ALMS1: variants seen among roughly 807,000 people sequenced by gnomAD.
ALMS1 encodes the protein ALMS1 centrosome and basal body associated protein.
A neutral mutation model predicts 352.2 loss-of-function variants in ALMS1; 271 were observed. The observed-to-expected ratio is 0.77, with a 90% CI of 0.70 to 0.85. The LOEUF (loss-of-function observed/expected upper bound fraction) is 0.85. ALMS1 is among the 40% of genes least tolerant of loss of function. ALMS1 has a pLI of 0.00. For missense variants in ALMS1, 5,445 were observed against 4,870.7 expected, an observed-to-expected ratio of 1.12 and a Z score of -3.51; for synonymous variants, 1,865 against 1,761.2, an observed-to-expected ratio of 1.06 and a Z score of -1.48.
At chr2:73,496,312 A>T (rs931636377) in intron 10 of ALMS1, among the ~76,000 whole-genome samples, 39 of 152,294 alleles carry the variant, frequency 2.6e-4, no homozygotes, top group African/African-American at 9.4e-4. Flanking sequence ...TTGCCTTTCT[A>T]GAGTGTCACA....
At chr2:73,537,341 G>A (rs1216105938) in intron 12 of ALMS1, among the ~76,000 whole-genome samples, 1 of 152,194 alleles carries the variant, frequency 6.6e-6, no homozygotes, top group African/African-American at 2.4e-5. Flanking sequence ...GTAGGCCTGT[G>A]TATGCTCAGG....
In ALMS1 at chr2:73,601,319, G is replaced by A. The variant is rs756694050; in HGVS notation, c.11997G>A (p.Glu3999=). 1.2e-6 allele frequency: 2 copies of A among 1,614,240 alleles called. No individual in the cohort carries two copies. The highest frequency in any genetic ancestry group is 4.5e-5 in the East Asian group (2 of 44,872). The change falls in exon 19 of 23, where the codon GAG becomes GAA. Residue 3999 remains glutamate (E), a synonymous_variant. Coordinates refer to ENST00000613296, the MANE Select transcript of ALMS1 (RefSeq NM_001378454.1). ...EPITKTRPWR[E]PLREQNCQGQ... ...TAACCAAGACCAGACCCTGGAGGGA[G>A]CCACTGCGGGAGCAGAACTGTCAGG...
At chr2:73,488,298 G>A (rs1672898953) in intron 9 of ALMS1, among the ~76,000 whole-genome samples, 1 of 152,252 alleles carries the variant, frequency 6.6e-6, no homozygotes, top group African/African-American at 2.4e-5. Context: ...GCGGCAGGGG[G>A]CTGGTGTGAC....
At chr2:73,444,985 G>A (rs1228651232) in intron 7 of ALMS1, among the ~76,000 whole-genome samples, 1 of 151,860 alleles carries the variant, frequency 6.6e-6, no homozygotes, top group Middle Eastern at 3.2e-3. Context: ...CAACAATGAA[G>A]ACAAAGACCC....
Position 73,609,788 on chromosome 2 carries a change from G to A in ALMS1, c.*176G>A. Reference sequence around the variant, plus strand: ...GGTGATTAAAATTCCTAATGGTTTGGGAGCAATACTTTCTGCATAGTGGCC... The same window carrying A: ...GGTGATTAAAATTCCTAATGGTTTGAGAGCAATACTTTCTGCATAGTGGCC... On this transcript the variant is annotated 3_prime_UTR_variant, in exon 23 of 23. Coordinates refer to ENST00000613296, the MANE Select transcript of ALMS1 (RefSeq NM_001378454.1). 1.5e-6 allele frequency: 1 copy of A among 657,194 alleles called. No individual in the cohort carries two copies. The highest frequency in any genetic ancestry group is 2.7e-6 in the Non-Finnish European group (1 of 373,546). 40.7% of individuals were successfully genotyped at this position (657,194 alleles called of 1,614,324 possible).
At chr2:73,522,057 G>A (rs970095740) in intron 11 of ALMS1, among the ~76,000 whole-genome samples, 4 of 151,810 alleles carry the variant, frequency 2.6e-5, no homozygotes, top group Non-Finnish European at 5.9e-5. Context: ...TTCCTTTCCC[G>A]GAAGCAGCCA....
At chr2:73,467,129 A>T (rs1231824435) in intron 9 of ALMS1, among the ~76,000 whole-genome samples, 1 of 152,088 alleles carries the variant, frequency 6.6e-6, no homozygotes, top group Non-Finnish European at 1.5e-5. Flanking sequence ...TCATAAAAGA[A>T]AGGATTGCTA....
At position 73,517,638 on chromosome 2, in the gene ALMS1, C is replaced by CT. The variant is rs74558381; in HGVS notation, c.9540-2128dup. On this transcript the variant is annotated intron_variant, in intron 10 of 22. Transcript: ENST00000613296. ...TTCTAGCTTCTCCTGTTGTTAACATCTTTTTTTTTCATTTTATTTTTATTT... is the reference window on the plus strand; with the variant it reads ...TTCTAGCTTCTCCTGTTGTTAACATCTTTTTTTTTTCATTTTATTTTTATTT... Among the ~76,000 whole-genome samples the CT allele has an allele frequency of 4.1e-3, 619 of 150,960 alleles. 21 individuals are homozygous for CT. The East Asian group carries it at 0.085, about 21-fold the overall frequency.
rs1362721466 is a variant in ALMS1 at position 73,490,754 on chromosome 2, A to G, written c.8795A>G (p.Gln2932Arg). ...IFLEQRELFE[Q>R]CKAPYVDHQM... ...CTTGAACAACGAGAACTCTTTGAAC[A>G]GTGCAAAGCCCCATATGTAGATCAT... Residue 2932 changes from glutamine to arginine, a missense_variant, in exon 10 of 23, where the codon CAG (glutamine) becomes CGG (arginine). Transcript: ENST00000613296. 1 of 1,614,060 alleles carries G rather than the reference A, an allele frequency of 6.2e-7. No homozygotes were observed.
rs773869122 is a variant in ALMS1 at position 73,572,763 on chromosome 2, T to C, written c.10886T>C (p.Leu3629Pro). 6.2e-7 allele frequency: 1 copy of C among 1,614,102 alleles called. No individual in the cohort carries two copies. Among genetic ancestry groups the C allele is most frequent in the Non-Finnish European group, 8.5e-7 (1 of 1,180,004 alleles). The change falls in exon 16 of 23, where the codon CTT becomes CCT. Residue 3629 changes from leucine to proline, a missense_variant. Leu to Pro is a moderately conservative substitution (Grantham distance 98). Coordinates refer to ENST00000613296, the MANE Select transcript of ALMS1 (RefSeq NM_001378454.1). ...DRKELSLVDRLDRLAKILQNP... is the reference protein window; with the variant it reads ...DRKELSLVDRPDRLAKILQNP... ...AAAGAACTGTCCTTGGTGGACCGAC[T>C]TGATCGTTTGGCTAAAATTCTTCAG... is the stretch of plus-strand genomic sequence containing the variant.
At chr2:73,442,804 C>G (rs1671743863) in intron 7 of ALMS1, among the ~76,000 whole-genome samples, 1 of 152,162 alleles carries the variant, frequency 6.6e-6, no homozygotes, top group African/African-American at 2.4e-5. Context: ...AATTGTAGGA[C>G]TCTATCTAGA....
At chr2:73,599,246 A>G (rs1675618918) in intron 16 of ALMS1, among the ~76,000 whole-genome samples, 155 bp from the exon 17 acceptor site, 1 of 152,222 alleles carries the variant, frequency 6.6e-6, no homozygotes, top group African/African-American at 2.4e-5. Context: ...TATCACAGAT[A>G]CAAGGCAGCA....
At chr2:73,515,369 G>C (rs544833179) in intron 10 of ALMS1, among the ~76,000 whole-genome samples, 1 of 151,884 alleles carries the variant, frequency 6.6e-6, no homozygotes, top group Admixed American at 6.6e-5. Context: ...GTGCTAACTA[G>C]TAGCTAAATC....
rs535660252 is a variant in ALMS1 at position 73,449,412 on chromosome 2, G to T, written c.2885G>T (p.Ser962Ile). 1.2e-6 allele frequency: 2 copies of T among 1,614,066 alleles called. No individual in the cohort carries two copies. Among genetic ancestry groups the T allele is most frequent in the South Asian group, 2.2e-5 (2 of 91,084 alleles). ...SNSHSHSEKS[S>I]VFYQQELPDS... ...TCTCACTCACATAGCGAGAAATCTA[G>T]TGTTTTCTACCAGCAAGAGTTGCCA... The change falls in exon 8 of 23, where the codon AGT (serine) becomes ATT (isoleucine). Residue 962 changes from serine to isoleucine, a missense_variant. By Grantham distance (142) the Ser-to-Ile change is moderately radical. Transcript: ENST00000613296.
At chr2:73,482,439 T>C (rs1453516550) in intron 9 of ALMS1, among the ~76,000 whole-genome samples, 2 of 146,100 alleles carry the variant, frequency 1.4e-5, no homozygotes, top group East Asian at 3.8e-4. Context: ...CACTTGATCA[T>C]GGTGGATAAG....
chr2:73,454,627 A>AAATCTCATT, intron 8 of ALMS1, among the ~76,000 whole-genome samples: 1 of 152,308 alleles, frequency 6.6e-6, no homozygotes, highest in Non-Finnish European at 1.5e-5. Context: ...GAATATTTAC[A>AAATCTCATT]AATCTCATTA....
intron 9 of ALMS1, among the ~76,000 whole-genome samples, chr2:73,485,357 G>T (rs909093440): frequency 6.6e-6 from 1 of 152,218 alleles, no homozygotes; most frequent in Non-Finnish European, 1.5e-5. Flanking sequence ...GTGTGCCCCT[G>T]CTGGGAGGTG....
At chr2:73,463,718 A>G (rs1182426381) in intron 9 of ALMS1, among the ~76,000 whole-genome samples, 30 of 137,416 alleles carry the variant, frequency 2.2e-4, no homozygotes, top group Admixed American at 3.9e-4. Flanking sequence ...TAAAGAAAAA[A>G]AGAGAGAAGA....
In ALMS1 at chr2:73,490,933, G is replaced by A; in HGVS notation, c.8974G>A (p.Asp2992Asn). Residue 2992 changes from aspartate to asparagine, a missense_variant, in exon 10 of 23, where the codon GAT becomes AAT. By Grantham distance (23) the Asp-to-Asn change is conservative. Coordinates refer to ENST00000613296, the MANE Select transcript of ALMS1 (RefSeq NM_001378454.1). ...CCATTTTCCCCTTCCTCAAGGTCAG[G>A]ATTGTGTAGTGGAAAAGAATAATCA... ...KHHFPLPQGQ[D>N]CVVEKNNQHK... 6.2e-7 allele frequency: 1 copy of A among 1,614,176 alleles called. No homozygotes were observed. Among genetic ancestry groups the A allele is most frequent in the South Asian group, 1.1e-5 (1 of 91,080 alleles).
Sources: allele counts gnomAD v4.1 joint callset (sites outside exome capture counted in the v4.1 genomes callset), GRCh38; gene constraint gnomAD v4.1.1; transcripts MANE v1.5; gene names NCBI Gene and HGNC (gene_info 2026-07-23, HGNC 2026-07-21).